The following TARS1 variants were observed in gnomAD, a reference collection of about 807,000 sequenced individuals.
TARS1 encodes threonine--tRNA ligase 1, cytoplasmic.
In TARS1, 57 loss-of-function variants were observed where a neutral mutation model predicts 97.7. The ratio of observed to expected loss-of-function variants is 0.58; its 90% CI spans 0.47 to 0.73. The LOEUF (loss-of-function observed/expected upper bound fraction) is 0.73, where lower values mean the gene tolerates loss of function less well. TARS1 is among the 30% of genes least tolerant of loss of function. The probability of loss-of-function intolerance (pLI) is 0.00; values close to 1 mark genes in which losing one functional copy is unlikely to be tolerated. For synonymous variants in TARS1, 312 were observed against 293.7 expected (o/e 1.06, Z -0.64); for missense variants, 806 against 888.3 (o/e 0.91, Z 1.18).
chr5:33,448,844 T>C, intron 3 of TARS1, 113 bp downstream of exon 3: 2 of 881,084 alleles, frequency 2.3e-6, no homozygotes, highest in Non-Finnish European at 1.6e-6. Flanking sequence ...TTCAGTGTTT[T>C]TAATCTGTTT....
intron 3 of TARS1, among the ~76,000 whole-genome samples, chr5:33,449,441 C>CTTTTTTTT (rs1741609657): frequency 9.6e-6 from 1 of 103,942 alleles, no homozygotes; most frequent in African/African-American, 3.7e-5. Context: ...TTCTTTTTTT[C>CTTTTTTTT]TTTCTTTTTT....
In TARS1 at chr5:33,441,008, G is replaced by C; in HGVS notation, c.-79G>C. 1 of 1,589,056 alleles carries C rather than the reference G, an allele frequency of 6.3e-7. No homozygotes were observed. The highest frequency in any genetic ancestry group is 8.6e-7 in the Non-Finnish European group (1 of 1,160,086). ...AGCCGAGGCCAAGTCCCGGGCGCTA[G>C]CCCACCTCCCACCCGCCTCTTGGCT... On this transcript the variant is annotated 5_prime_UTR_variant, in exon 1 of 19. Coordinates refer to ENST00000265112, the MANE Select transcript of TARS1 (RefSeq NM_152295.5).
rs143542411 is a variant in TARS1, at chr5:33,457,396, T to C, written c.977T>C (p.Ile326Thr). 3,863 of 1,613,890 alleles carry C rather than the reference T, an allele frequency of 2.4e-3. 10 individuals are homozygous for C. The highest frequency in any genetic ancestry group is 2.8e-3 in the Non-Finnish European group (3,356 of 1,179,900). The change falls in exon 9 of 19, where the codon ATT (isoleucine) becomes ACT (threonine). Residue 326 changes from isoleucine (I) to threonine (T), a missense_variant. Physicochemically the swap from Ile to Thr is moderately conservative, Grantham distance 89. This residue lies in a region of TARS1 where 446 missense variants were observed against 511.0 expected (regional missense o/e 0.87). Coordinates refer to ENST00000265112, the MANE Select transcript of TARS1 (RefSeq NM_152295.5). The stretch of plus-strand genomic sequence containing the variant: ...GCTAAAAACCGAGATCATAGGAAAA[T>C]TGGCAGGGTATGTTCAAGAACAATG... ...EEAKNRDHRK[I>T]GRDQELYFFH...
chr5:33,461,734 A>G lies in TARS1; in HGVS notation c.1619A>G (p.Tyr540Cys), dbSNP rs777810847. The change falls in exon 14 of 19, where the codon TAT (tyrosine) becomes TGT (cysteine). Residue 540 changes from tyrosine (Y) to cysteine (C), a missense_variant. Physicochemically the swap from Tyr to Cys is radical, Grantham distance 194. Coordinates refer to ENST00000265112, the MANE Select transcript of TARS1 (RefSeq NM_152295.5). ...TTAAACTCTGGAGATGGAGCTTTCT[A>G]TGGCCCAAAGGTGAGCACTAAAGTA... is the stretch of plus-strand genomic sequence containing the variant. ...WELNSGDGAF[Y>C]GPKIDIQIKD... The G allele has an allele frequency of 2.0e-5, 33 of 1,613,958 alleles. No homozygotes were observed. The highest frequency in any genetic ancestry group is 2.6e-5 in the Non-Finnish European group (31 of 1,179,828).
chr5:33,455,449 C>A, intron 5 of TARS1, 138 bp from the exon 6 acceptor site: 1 of 546,920 alleles, frequency 1.8e-6, no homozygotes, highest in Non-Finnish European at 3.2e-6. Context: ...GTTTAGAATT[C>A]TAAGATACGA....
intron 3 of TARS1, among the ~76,000 whole-genome samples, chr5:33,451,067 T>C (rs1741708084): frequency 6.6e-6 from 1 of 152,148 alleles, no homozygotes; most frequent in African/African-American, 2.4e-5. Context: ...TGAGCCAAGA[T>C]TGAGCCACTG....
rs1741220535 is a variant in TARS1, at chr5:33,443,320, C to CTCTCTCTCTCTCT, written c.58-2004_58-2003insTCTCTCTCTCTCT. ...TGTGGTGATTCCCTCTCTCTCTCTC[C>CTCTCTCTCTCTCT]CTCTCTCTCTCTCTCTCTCTCTCTC... On this transcript the variant is annotated intron_variant, in intron 1 of 18. Coordinates refer to ENST00000265112, the MANE Select transcript of TARS1 (RefSeq NM_152295.5). 6.2e-4 allele frequency among the ~76,000 whole-genome samples: 74 copies of CTCTCTCTCTCTCT among 118,516 alleles called. 3 individuals are homozygous for CTCTCTCTCTCTCT. The highest frequency in any genetic ancestry group is 4.2e-3 in the East Asian group (15 of 3,590). 77.8% of individuals were successfully genotyped at this position (118,516 alleles called of 152,430 possible).
intron 2 of TARS1, chr5:33,446,756 G>T: frequency 7.8e-7 from 1 of 1,288,420 alleles, no homozygotes; most frequent in Non-Finnish European, 1.0e-6. Flanking sequence ...GATACAGAGG[G>T]TGGTGCAGGT....
At position 33,467,860 on chromosome 5, in the gene TARS1, C is replaced by A; in HGVS notation, c.*152C>A. On this transcript the variant is annotated 3_prime_UTR_variant, in exon 19 of 19. Transcript: ENST00000265112. ...ACCTGCAGGCGTAACTATTTTTGAC[C>A]TAGTCAGTTTTTAAACAATGTGCAT... 1 of 738,214 alleles carries A rather than the reference C, an allele frequency of 1.4e-6. No individual in the cohort carries two copies. The highest frequency in any genetic ancestry group is 2.1e-6 in the Non-Finnish European group (1 of 483,142). The allele number at this position is 738,214 out of a possible 1,614,324, so 45.7% of individuals were successfully genotyped here. A position where few individuals can be genotyped will look rare whatever the true frequency, so the allele number is the denominator to read the frequency against.
At chr5:33,457,555 C>A in intron 9 of TARS1, 152 bp downstream of exon 9, 2 of 795,070 alleles carry the variant, frequency 2.5e-6, no homozygotes, top group South Asian at 1.9e-5. Flanking sequence ...AAACTATAAA[C>A]ACTTACTGAT....
chr5:33,464,382 T>G lies in TARS1; in HGVS notation c.1908+557T>G, dbSNP rs563600907. On this transcript the variant is annotated intron_variant, in intron 17 of 18. Coordinates refer to ENST00000265112, the MANE Select transcript of TARS1 (RefSeq NM_152295.5). ...TGTAAATTTCTTCAGGTAGTTGAAA[T>G]TTTTTCAGGTTAATAGTATAGCAGA... is the stretch of plus-strand genomic sequence containing the variant. 7.2e-5 allele frequency among the ~76,000 whole-genome samples: 11 copies of G among 152,302 alleles called. No homozygotes were observed. In the South Asian group the frequency reaches 2.3e-3, roughly 32 times the overall value.
At chr5:33,443,306 C>CCTCTCTCTCCCTCTCT (rs1741212437) in intron 1 of TARS1, among the ~76,000 whole-genome samples, 5 of 85,508 alleles carry the variant, frequency 5.8e-5, no homozygotes, top group African/African-American at 2.2e-4. Flanking sequence ...GTGGTGATTC[C>CCTCTCTCTCCCTCTCT]CTCTCTCTCT....
intron 17 of TARS1, among the ~76,000 whole-genome samples, chr5:33,465,032 C>T (rs956775442): frequency 2.6e-5 from 4 of 152,068 alleles, no homozygotes; most frequent in Non-Finnish European, 5.9e-5. Flanking sequence ...TGCCACTGCA[C>T]TCCAGCCTGG....
intron 1 of TARS1, chr5:33,441,646 A>G (rs908299144): frequency 1.2e-5 from 2 of 161,362 alleles, no homozygotes; most frequent in Non-Finnish European, 2.8e-5. Flanking sequence ...TTTGCCCGGC[A>G]CTGATCTGGG....
rs563349759 is a variant in TARS1 at position 33,448,398 on chromosome 5, G to C, written c.139-143G>C. On this transcript the variant is annotated intron_variant, in intron 2 of 18. Transcript: ENST00000265112. ...TTTAGAACCAAATTGAGGTAATGCC[G>C]GGTGATTTTGGCAGTGTTTATTTAC... 1.5e-4 allele frequency: 87 copies of C among 577,664 alleles called. 1 individual carries two copies. The African/African-American group carries it at 1.6e-3, about 10-fold the overall frequency. 35.8% of individuals were successfully genotyped at this position (577,664 alleles called of 1,614,324 possible).
intron 8 of TARS1, among the ~76,000 whole-genome samples, chr5:33,457,038 A>G (rs11952399): frequency 0.41 from 62,126 of 151,920 alleles, 12,879 homozygotes; most frequent in East Asian, 0.53. Context: ...GGCTCAAGCA[A>G]TCCTCTTGCC....
intron 1 of TARS1, among the ~76,000 whole-genome samples, chr5:33,444,043 A>T (rs1741288906): frequency 6.6e-6 from 1 of 152,230 alleles, no homozygotes; most frequent in South Asian, 2.1e-4. Flanking sequence ...ATAAATGGAT[A>T]AGTAAGCAAT....
Position 33,461,955 on chromosome 5 carries a change from C to T in TARS1, c.1679C>T (p.Thr560Ile). 1 of 1,614,114 alleles carries T rather than the reference C, an allele frequency of 6.2e-7. No individual in the cohort carries two copies. Among genetic ancestry groups the T allele is most frequent in the Non-Finnish European group, 8.5e-7 (1 of 1,179,984 alleles). The change falls in exon 15 of 19, where the codon ACC becomes ATC. Residue 560 changes from threonine to isoleucine, a missense_variant. Physicochemically the swap from Thr to Ile is moderately conservative, Grantham distance 89. Around this residue, in one of 3 missense-constraint regions of TARS1, gnomAD observed 446 missense variants for 511.0 expected, o/e 0.87. Coordinates refer to ENST00000265112, the MANE Select transcript of TARS1 (RefSeq NM_152295.5). ...DAIGRYHQCA[T>I]IQLDFQLPIR... Reference sequence around the variant, plus strand: ...ATTGGGCGGTACCACCAGTGTGCAACCATCCAGCTGGATTTCCAGTTGCCC... The same window carrying T: ...ATTGGGCGGTACCACCAGTGTGCAATCATCCAGCTGGATTTCCAGTTGCCC...
At chr5:33,451,725 G>T (rs1257152076) in intron 3 of TARS1, among the ~76,000 whole-genome samples, 1 of 151,884 alleles carries the variant, frequency 6.6e-6, no homozygotes, top group Non-Finnish European at 1.5e-5. Flanking sequence ...AAATTGAAAT[G>T]ATCCAGTATG....
Sources: allele counts gnomAD v4.1 joint callset (sites outside exome capture counted in the v4.1 genomes callset), GRCh38; gene constraint gnomAD v4.1.1; regional missense constraint gnomAD v4.1.1; transcripts MANE v1.5; gene names NCBI Gene and HGNC (gene_info 2026-07-23, HGNC 2026-07-21).